Variants in ARHGAP15 observed in about 807,000 individuals in gnomAD.
ARHGAP15 encodes rho GTPase-activating protein 15.
A neutral mutation model predicts 63.7 loss-of-function variants in ARHGAP15; 51 were observed. That is an observed-to-expected ratio of 0.80 (90% CI 0.64 to 1.01). The LOEUF (loss-of-function observed/expected upper bound fraction) is 1.01, where lower values mean the gene tolerates loss of function less well. ARHGAP15 is among the 50% of genes least tolerant of loss of function. ARHGAP15 has a pLI of 0.00. For synonymous variants in ARHGAP15, 191 were observed against 193.8 expected, an observed-to-expected ratio of 0.99 and a Z score of 0.12; for missense variants, 560 against 564.6, an observed-to-expected ratio of 0.99 and a Z score of 0.08.
intron 6 of ARHGAP15, among the ~76,000 whole-genome samples, chr2:143,360,444 T>C (rs1257296169): frequency 6.6e-6 from 1 of 151,886 alleles, no homozygotes; most frequent in African/African-American, 2.4e-5. Flanking sequence ...AAGATTATTC[T>C]AGGACATTGT....
At chr2:143,140,685 T>C (rs1438379359) in intron 1 of ARHGAP15, among the ~76,000 whole-genome samples, 3 of 152,118 alleles carry the variant, frequency 2.0e-5, no homozygotes, top group African/African-American at 7.2e-5. Context: ...TTTTTTTTCT[T>C]CCTTTCTTTT....
chr2:143,384,249 C>A (rs778201700), intron 6 of ARHGAP15, among the ~76,000 whole-genome samples: 3 of 151,744 alleles, frequency 2.0e-5, no homozygotes, highest in Non-Finnish European at 2.9e-5. Flanking sequence ...ATCAGCCTGG[C>A]AGCTTGCTGG....
At chr2:143,677,697 T>C (rs1289587614) in intron 12 of ARHGAP15, among the ~76,000 whole-genome samples, 1 of 152,240 alleles carries the variant, frequency 6.6e-6, no homozygotes, top group Non-Finnish European at 1.5e-5. Flanking sequence ...ATTTGAGGAA[T>C]TGAATTCATT....
intron 6 of ARHGAP15, among the ~76,000 whole-genome samples, chr2:143,307,540 T>C (rs1328657670): frequency 6.6e-6 from 1 of 152,156 alleles, no homozygotes; most frequent in Non-Finnish European, 1.5e-5. Context: ...TAATACATTC[T>C]GATCATTCTG....
chr2:143,753,393 T>A (rs1323212642), intron 13 of ARHGAP15, among the ~76,000 whole-genome samples: 1 of 152,214 alleles, frequency 6.6e-6, no homozygotes, highest in African/African-American at 2.4e-5. Context: ...CCTTCTGTTA[T>A]AAAGCTTAAT....
chr2:143,548,453 A>C (rs989575570), intron 10 of ARHGAP15, among the ~76,000 whole-genome samples: 2 of 151,934 alleles, frequency 1.3e-5, no homozygotes, highest in Non-Finnish European at 2.9e-5. Flanking sequence ...TGGCTATATA[A>C]ACAATTTTAA....
intron 8 of ARHGAP15, among the ~76,000 whole-genome samples, chr2:143,470,914 G>A (rs181505645): frequency 1.1e-3 from 168 of 148,388 alleles, no homozygotes; most frequent in African/African-American, 4.0e-3. Context: ...ATATATACAC[G>A]TATGTGTATA....
intron 1 of ARHGAP15, among the ~76,000 whole-genome samples, 185 bp downstream of exon 1, chr2:143,129,651 T>C (rs951127790): frequency 7.2e-5 from 11 of 152,204 alleles, no homozygotes; most frequent in African/African-American, 2.4e-4. Flanking sequence ...AGCTGTCAAA[T>C]TCCAATGTCT....
intron 12 of ARHGAP15, among the ~76,000 whole-genome samples, chr2:143,656,935 GT>G (rs1553518490): frequency 1.2e-3 from 2 of 1,622 alleles, no homozygotes; most frequent in South Asian, 0.015. Flanking sequence ...AAAGTTTCTG[GT>G]GTGTGTGTGT....
At chr2:143,481,777 C>A (rs1692090668) in intron 8 of ARHGAP15, among the ~76,000 whole-genome samples, 1 of 152,156 alleles carries the variant, frequency 6.6e-6, no homozygotes, top group South Asian at 2.1e-4. Flanking sequence ...TGGGCTAATG[C>A]CTATTCTCAT....
At chr2:143,601,214 A>G (rs1368406320) in intron 11 of ARHGAP15, among the ~76,000 whole-genome samples, 2 of 152,032 alleles carry the variant, frequency 1.3e-5, no homozygotes, top group African/African-American at 4.8e-5. Flanking sequence ...TTTTTTTACA[A>G]TGTGGTAGTC....
At chr2:143,301,787 C>T (rs556375914) in intron 6 of ARHGAP15, among the ~76,000 whole-genome samples, 1 of 151,344 alleles carries the variant, frequency 6.6e-6, no homozygotes, top group Non-Finnish European at 1.5e-5. Context: ...ACGGATGTAT[C>T]TATATACATC....
At chr2:143,380,808 G>A (rs1687026347) in intron 6 of ARHGAP15, among the ~76,000 whole-genome samples, 1 of 152,120 alleles carries the variant, frequency 6.6e-6, no homozygotes, top group African/African-American at 2.4e-5. Context: ...CTTTACATCA[G>A]GCTTAGCGAA....
intron 5 of ARHGAP15, among the ~76,000 whole-genome samples, chr2:143,238,780 C>T (rs1438454302): frequency 1.3e-5 from 2 of 152,092 alleles, no homozygotes; most frequent in Admixed American, 1.3e-4. Flanking sequence ...ATAGCAAAGA[C>T]ATGGAATCAA....
intron 12 of ARHGAP15, among the ~76,000 whole-genome samples, chr2:143,669,997 G>A (rs1256923581): frequency 6.6e-6 from 1 of 152,192 alleles, no homozygotes; most frequent in Non-Finnish European, 1.5e-5. Flanking sequence ...TGCAAGGCAT[G>A]TAGACTAGAG....
chr2:143,526,501 G>A (rs535357886), intron 10 of ARHGAP15, among the ~76,000 whole-genome samples: 1 of 152,208 alleles, frequency 6.6e-6, no homozygotes, highest in South Asian at 2.1e-4. Flanking sequence ...ATTGTGTATG[G>A]GGAATTTAAA....
At chr2:143,363,207 G>A (rs1339199848) in intron 6 of ARHGAP15, among the ~76,000 whole-genome samples, 1 of 152,056 alleles carries the variant, frequency 6.6e-6, no homozygotes, top group Non-Finnish European at 1.5e-5. Flanking sequence ...TGTTAACTCA[G>A]TTTTGTCCTA....
chr2:143,323,497 G>T (rs1487061577), intron 6 of ARHGAP15, among the ~76,000 whole-genome samples: 2 of 152,174 alleles, frequency 1.3e-5, no homozygotes, highest in African/African-American at 4.8e-5. Flanking sequence ...TTCGGACAGG[G>T]ATGAAACGTC....
intron 10 of ARHGAP15, among the ~76,000 whole-genome samples, chr2:143,553,815 T>G (rs1695674771): frequency 1.3e-5 from 2 of 152,200 alleles, no homozygotes; most frequent in South Asian, 4.1e-4. Flanking sequence ...ACAGGGAATT[T>G]CATCAGTTAA....
Sources: allele counts gnomAD v4.1 joint callset (sites outside exome capture counted in the v4.1 genomes callset), GRCh38; gene constraint gnomAD v4.1.1; transcripts MANE v1.5; gene names NCBI Gene and HGNC (gene_info 2026-07-23, HGNC 2026-07-21).